FBXW7: variants seen among roughly 807,000 people sequenced by gnomAD.
FBXW7 encodes the protein F-box and WD repeat domain containing 7.
In FBXW7, 11 loss-of-function variants were observed where a neutral mutation model predicts 86.3. That is an observed-to-expected ratio of 0.13 (90% CI 0.08 to 0.21). FBXW7 has a LOEUF of 0.21. Among genes scored for constraint, FBXW7 ranks in the 10% least tolerant of loss-of-function variants. The pLI, the probability that FBXW7 is intolerant of heterozygous loss-of-function variation, is 1.00. For synonymous variants in FBXW7, 313 were observed against 297.9 expected (o/e 1.05, Z -0.52); for missense variants, 488 against 847.4 (o/e 0.58, Z 5.27).
chr4:152,358,762 A>C (rs1218952965), intron 4 of FBXW7, among the ~76,000 whole-genome samples: 1 of 152,216 alleles, frequency 6.6e-6, no homozygotes, highest in African/African-American at 2.4e-5. Flanking sequence ...CTTACCACCT[A>C]AACTACAGAG....
chr4:152,458,696 G>A (rs1483184676), intron 2 of FBXW7, among the ~76,000 whole-genome samples: 1 of 152,110 alleles, frequency 6.6e-6, no homozygotes, highest in African/African-American at 2.4e-5. Context: ...CAAACAGTAT[G>A]ACACACATAA....
chr4:152,341,133 C>T (rs1175849187), intron 6 of FBXW7, among the ~76,000 whole-genome samples: 1 of 152,234 alleles, frequency 6.6e-6, no homozygotes, highest in Non-Finnish European at 1.5e-5. Flanking sequence ...CTATTCTCCA[C>T]ACTGTACTCA....
At chr4:152,373,595 AT>A in intron 4 of FBXW7, among the ~76,000 whole-genome samples, 1 of 151,992 alleles carries the variant, frequency 6.6e-6, no homozygotes, top group Admixed American at 6.6e-5. Context: ...ATCCCAAGCA[AT>A]GATACAAGTT....
At chr4:152,485,054 A>T (rs1579324134) in intron 2 of FBXW7, among the ~76,000 whole-genome samples, 2 of 152,036 alleles carry the variant, frequency 1.3e-5, no homozygotes. Flanking sequence ...AGTAATGACA[A>T]CAAAAATACC....
At chr4:152,492,301 G>A (rs1437779624) in intron 2 of FBXW7, among the ~76,000 whole-genome samples, 1 of 152,134 alleles carries the variant, frequency 6.6e-6, no homozygotes, top group East Asian at 1.9e-4. Context: ...TGACATTTGG[G>A]CTGCTTCTAG....
chr4:152,387,902 G>A (rs1735677481), intron 4 of FBXW7, among the ~76,000 whole-genome samples: 4 of 151,810 alleles, frequency 2.6e-5, no homozygotes, highest in Admixed American at 2.6e-4. Context: ...TAGAGACAGG[G>A]TTTTACTATG....
rs575517491 is a variant in FBXW7, at chr4:152,326,280, T to C, written c.1419-49A>G. 3.4e-6 allele frequency: 5 copies of C among 1,457,706 alleles called. No individual in the cohort carries two copies. In the South Asian group the frequency reaches 6.1e-5, roughly 18 times the overall value. 90.3% of individuals were successfully genotyped at this position (1,457,706 alleles called of 1,614,324 possible). ...CAAAACAAAACAAAAAAACCCACGT[T>C]TAGAATTTTTAATAATATGAGAAAA... is the stretch of plus-strand genomic sequence containing the variant. On this transcript the variant is annotated intron_variant, in intron 11 of 13. Coordinates refer to ENST00000281708, the MANE Select transcript of FBXW7 (RefSeq NM_001349798.2).
At chr4:152,455,607 C>A (rs1742328182) in intron 2 of FBXW7, among the ~76,000 whole-genome samples, 1 of 152,186 alleles carries the variant, frequency 6.6e-6, no homozygotes, top group Non-Finnish European at 1.5e-5. Flanking sequence ...CTGCCAATAC[C>A]CCAATTTCAA....
In FBXW7 at chr4:152,411,558, A is replaced by G; in HGVS notation, c.246T>C (p.Asn82=). The change falls in exon 4 of 14, where the codon AAT becomes AAC. Residue 82 remains asparagine, a synonymous_variant. Coordinates refer to ENST00000281708, the MANE Select transcript of FBXW7 (RefSeq NM_001349798.2). Reference sequence around the variant, plus strand: ...AGTCCTCATCTACCGAAATAAATCTATTATTGTTTTCTTCCAACTGTCCTT... The same window carrying G: ...AGTCCTCATCTACCGAAATAAATCTGTTATTGTTTTCTTCCAACTGTCCTT... The part of the protein sequence containing the change: ...SQQGQLEENN[N]RFISVDEDSS... 1.2e-6 allele frequency: 2 copies of G among 1,613,826 alleles called. No homozygotes were observed. The highest frequency in any genetic ancestry group is 1.7e-6 in the Non-Finnish European group (2 of 1,179,904).
At chr4:152,431,715 T>G (rs892410345) in intron 2 of FBXW7, among the ~76,000 whole-genome samples, 1 of 152,202 alleles carries the variant, frequency 6.6e-6, no homozygotes, top group African/African-American at 2.4e-5. Flanking sequence ...TAAATGAAAT[T>G]AAAATGCCTA....
chr4:152,498,591 G>A (rs1002381290), intron 2 of FBXW7, among the ~76,000 whole-genome samples: 3 of 152,200 alleles, frequency 2.0e-5, no homozygotes, highest in Non-Finnish European at 2.9e-5. Context: ...CATAGTACTA[G>A]TTTTCAGGGA....
At chr4:152,335,796 T>C (rs997126564) in intron 7 of FBXW7, among the ~76,000 whole-genome samples, 1 of 152,204 alleles carries the variant, frequency 6.6e-6, no homozygotes, top group African/African-American at 2.4e-5. Context: ...TATTTTTAAA[T>C]GTTGGCTAAT....
intron 2 of FBXW7, among the ~76,000 whole-genome samples, chr4:152,455,735 TCTCATGGCCTTAG>T (rs1357343724): frequency 4.6e-5 from 7 of 152,326 alleles, no homozygotes; most frequent in South Asian, 2.1e-4. Context: ...AAATTTATTA[TCTCATGGCCTTAG>T]CTCATGGCCC....
At chr4:152,394,125 C>T (rs1226394840) in intron 4 of FBXW7, among the ~76,000 whole-genome samples, 1 of 151,984 alleles carries the variant, frequency 6.6e-6, no homozygotes, top group African/African-American at 2.4e-5. Context: ...TTTAACCTAC[C>T]CAAAACTATT....
At chr4:152,328,182 C>A in intron 11 of FBXW7, 26 bp downstream of exon 11, 1 of 1,570,752 alleles carries the variant, frequency 6.4e-7, no homozygotes, top group South Asian at 1.2e-5. Context: ...GGAAGAAGTC[C>A]CAACCATGAC....
At chr4:152,340,436 G>A (rs1400693714) in intron 6 of FBXW7, among the ~76,000 whole-genome samples, 1 of 151,816 alleles carries the variant, frequency 6.6e-6, no homozygotes, top group East Asian at 1.9e-4. Flanking sequence ...ACAATTAGCT[G>A]GGCATCGTGG....
At chr4:152,345,469 G>A (rs906417541) in intron 6 of FBXW7, among the ~76,000 whole-genome samples, 1 of 151,946 alleles carries the variant, frequency 6.6e-6, no homozygotes, top group Non-Finnish European at 1.5e-5. Context: ...TAGTACCATT[G>A]ACATTTTGGG....
chr4:152,497,743 C>T (rs1461140376), intron 2 of FBXW7, among the ~76,000 whole-genome samples: 1 of 152,076 alleles, frequency 6.6e-6, no homozygotes, highest in Non-Finnish European at 1.5e-5. Flanking sequence ...CACCTGAACC[C>T]TGTGATTCAG....
At chr4:152,427,329 A>G (rs1020580248) in intron 2 of FBXW7, among the ~76,000 whole-genome samples, 1 of 152,246 alleles carries the variant, frequency 6.6e-6, no homozygotes, top group South Asian at 2.1e-4. Flanking sequence ...CAGAACCACT[A>G]GCATTTATTG....
Sources: allele counts gnomAD v4.1 joint callset (sites outside exome capture counted in the v4.1 genomes callset), GRCh38; gene constraint gnomAD v4.1.1; transcripts MANE v1.5; gene names NCBI Gene and HGNC (gene_info 2026-07-23, HGNC 2026-07-21).